Variants in RALA observed in about 807,000 individuals in gnomAD.
The protein encoded by RALA is RAS like proto-oncogene A.
In RALA, 5 loss-of-function variants were observed where a neutral mutation model predicts 24.0. That is an observed-to-expected ratio of 0.21 (90% CI 0.11 to 0.44). RALA has a LOEUF of 0.44. Ranked by LOEUF, RALA falls within the 20% of genes least tolerant of loss-of-function variation. The probability of loss-of-function intolerance (pLI) is 0.99; values close to 1 mark genes in which losing one functional copy is unlikely to be tolerated. For missense variants in RALA, 95 were observed against 241.2 expected, an observed-to-expected ratio of 0.39 and a Z score of 4.01; for synonymous variants, 77 against 83.8, an observed-to-expected ratio of 0.92 and a Z score of 0.44.
intron 1 of RALA, among the ~76,000 whole-genome samples, chr7:39,661,981 A>C (rs1469453438): frequency 1.3e-5 from 2 of 152,094 alleles, no homozygotes; most frequent in African/African-American, 4.8e-5. Context: ...ACTTCTGTGC[A>C]CTCACAGGCT....
At chr7:39,705,243 T>C (rs1793097920) in intron 4 of RALA, among the ~76,000 whole-genome samples, 1 of 152,182 alleles carries the variant, frequency 6.6e-6, no homozygotes, top group Non-Finnish European at 1.5e-5. Context: ...AAAGGCCACA[T>C]CAGTCATGAC....
intron 1 of RALA, among the ~76,000 whole-genome samples, chr7:39,654,330 C>CT (rs369522949): frequency 1.3e-5 from 2 of 152,142 alleles, no homozygotes; most frequent in African/African-American, 4.8e-5. Flanking sequence ...CTCCAATCCT[C>CT]TTTCTTTATC....
At chr7:39,660,986 T>C (rs1792176555) in intron 1 of RALA, among the ~76,000 whole-genome samples, 2 of 152,146 alleles carry the variant, frequency 1.3e-5, no homozygotes, top group South Asian at 4.1e-4. Context: ...CTCAAACTTT[T>C]CCTGTGGCTG....
chr7:39,688,065 C>T (rs1792740176), intron 2 of RALA, among the ~76,000 whole-genome samples: 1 of 152,106 alleles, frequency 6.6e-6, no homozygotes, highest in African/African-American at 2.4e-5. Context: ...ATGTCTTTTT[C>T]TGTTGCCTGT....
chr7:39,660,644 C>G (rs947013164), intron 1 of RALA, among the ~76,000 whole-genome samples: 1 of 151,904 alleles, frequency 6.6e-6, no homozygotes, highest in African/African-American at 2.4e-5. Context: ...ATACAGTTGA[C>G]CCTTGAACAA....
intron 1 of RALA, chr7:39,624,553 T>A (rs1791446804): frequency 6.6e-6 from 1 of 152,266 alleles, no homozygotes; most frequent in Non-Finnish European, 1.5e-5. Context: ...TGGATATATG[T>A]GTTTAAGTAG....
rs1393401580 is a variant in RALA at position 39,632,387 on chromosome 7, T to C, written c.-38+8562T>C. Among the ~76,000 whole-genome samples, 3 of 152,366 alleles carry C rather than the reference T, an allele frequency of 2.0e-5. No homozygotes were observed. In the East Asian group the frequency reaches 5.8e-4, roughly 29 times the overall value. ...AATAGCAGTGTAACAATGTCTTTAA[T>C]AGAGGTACTGATTGCTTCATTGTAT... On this transcript the variant is annotated intron_variant, in intron 1 of 4. Coordinates refer to ENST00000005257, the MANE Select transcript of RALA (RefSeq NM_005402.4).
At chr7:39,658,561 C>T (rs1032951915) in intron 1 of RALA, among the ~76,000 whole-genome samples, 1 of 151,972 alleles carries the variant, frequency 6.6e-6, no homozygotes, top group African/African-American at 2.4e-5. Context: ...ATATGAACTA[C>T]AGTTACCTAG....
chr7:39,675,087 A>G (rs1382127024), intron 1 of RALA, among the ~76,000 whole-genome samples: 5 of 152,038 alleles, frequency 3.3e-5, no homozygotes, highest in African/African-American at 4.8e-5. Context: ...TGGCCTCCCA[A>G]AGTGCTGGGA....
intron 3 of RALA, among the ~76,000 whole-genome samples, chr7:39,693,286 G>A (rs537710062): frequency 2.1e-4 from 32 of 152,282 alleles, no homozygotes; most frequent in African/African-American, 7.0e-4. Context: ...GATGAAGCTG[G>A]AAACCATCAT....
intron 3 of RALA, among the ~76,000 whole-genome samples, chr7:39,694,175 T>A (rs1235823922): frequency 2.6e-5 from 4 of 152,222 alleles, no homozygotes; most frequent in Non-Finnish European, 5.9e-5. Context: ...GAGGGCTATG[T>A]CTTATGATAT....
chr7:39,669,257 C>A (rs944671274), intron 1 of RALA, among the ~76,000 whole-genome samples: 1 of 152,114 alleles, frequency 6.6e-6, no homozygotes, highest in Non-Finnish European at 1.5e-5. Context: ...TCTTTGAAGT[C>A]AAGGATCTTG....
chr7:39,630,573 T>C (rs1291313221), intron 1 of RALA, among the ~76,000 whole-genome samples: 1 of 152,232 alleles, frequency 6.6e-6, no homozygotes, highest in East Asian at 1.9e-4. Flanking sequence ...GTTTTAGTCA[T>C]ATTCAGGAAA....
At chr7:39,640,028 G>A (rs1011666537) in intron 1 of RALA, among the ~76,000 whole-genome samples, 1 of 147,652 alleles carries the variant, frequency 6.8e-6, no homozygotes. Context: ...ATTCTAGTGT[G>A]TATGAAATGG....
chr7:39,653,271 G>A (rs1402616694), intron 1 of RALA, among the ~76,000 whole-genome samples: 2 of 151,646 alleles, frequency 1.3e-5, no homozygotes, highest in East Asian at 1.9e-4. Flanking sequence ...CTTATCATCC[G>A]CCTGCATCAG....
intron 3 of RALA, among the ~76,000 whole-genome samples, 173 bp from the exon 4 acceptor site, chr7:39,696,512 A>G (rs980154722): frequency 6.6e-6 from 1 of 152,226 alleles, no homozygotes; most frequent in Non-Finnish European, 1.5e-5. Context: ...AGCACATTTG[A>G]ATAAAGTTTG....
chr7:39,671,419 TG>T (rs951920014), intron 1 of RALA, among the ~76,000 whole-genome samples: 59 of 152,344 alleles, frequency 3.9e-4, no homozygotes, highest in Admixed American at 3.4e-3. Context: ...TTTGTGCTAC[TG>T]GTAATGATTT....
chr7:39,694,497 T>C (rs1186533869), intron 3 of RALA, among the ~76,000 whole-genome samples: 3 of 152,194 alleles, frequency 2.0e-5, no homozygotes. Flanking sequence ...TAACATAATT[T>C]CTGTGTGCAT....
intron 1 of RALA, among the ~76,000 whole-genome samples, chr7:39,660,789 AG>A (rs1162899925): frequency 2.6e-5 from 4 of 152,226 alleles, no homozygotes; most frequent in African/African-American, 9.6e-5. Context: ...AAAACAAGAT[AG>A]GTATATCATG....
Sources: gnomAD v4.1 joint callset for allele counts (sites outside exome capture counted in the v4.1 genomes callset) on GRCh38, gnomAD v4.1.1 for gene constraint, MANE v1.5 for transcripts, NCBI Gene and HGNC (gene_info 2026-07-23, HGNC 2026-07-21) for gene names.